Variants in SPOCK1 observed in about 807,000 individuals in gnomAD.
SPOCK1 encodes the protein testican-1.
SPOCK1 carries 23 observed loss-of-function variants against 55.3 expected under a neutral mutation model. That is an observed-to-expected ratio of 0.42 (90% confidence interval 0.30 to 0.59). SPOCK1 has a LOEUF of 0.59. Ranked by LOEUF, SPOCK1 falls within the 20% of genes least tolerant of loss-of-function variation. The pLI, the probability that SPOCK1 is intolerant of heterozygous loss-of-function variation, is 0.22. For missense variants in SPOCK1, 499 were observed against 552.5 expected (o/e 0.90, Z 0.97); for synonymous variants, 226 against 221.0 (o/e 1.02, Z -0.20).
chr5:136,993,942 T>C (rs998923328), intron 6 of SPOCK1, among the ~76,000 whole-genome samples: 2 of 152,200 alleles, frequency 1.3e-5, no homozygotes, highest in African/African-American at 2.4e-5. Flanking sequence ...GAAAATACCA[T>C]GCAGATCCTC....
At chr5:137,407,684 A>T (rs1410912958) in intron 2 of SPOCK1, among the ~76,000 whole-genome samples, 1 of 152,168 alleles carries the variant, frequency 6.6e-6, no homozygotes, top group African/African-American at 2.4e-5. Context: ...AACTCCGATC[A>T]CCCAGGCTCA....
At chr5:137,104,840 A>G (rs755410519) in intron 5 of SPOCK1, among the ~76,000 whole-genome samples, 16 of 152,322 alleles carry the variant, frequency 1.1e-4, no homozygotes, top group Admixed American at 5.2e-4. Flanking sequence ...CAAAATAATT[A>G]TACAACATTG....
intron 6 of SPOCK1, among the ~76,000 whole-genome samples, chr5:137,058,337 T>C (rs1379751253): frequency 1.3e-5 from 2 of 152,224 alleles, no homozygotes; most frequent in African/African-American, 4.8e-5. Flanking sequence ...TCTCAAATTT[T>C]CTCACCAGCA....
At chr5:137,309,133 A>G (rs73294918) in intron 2 of SPOCK1, among the ~76,000 whole-genome samples, 4,523 of 152,308 alleles carry the variant, frequency 0.03, 227 homozygotes, top group African/African-American at 0.1. Context: ...GGAAAAAGTC[A>G]TCTAAAAGTA....
intron 6 of SPOCK1, among the ~76,000 whole-genome samples, chr5:137,005,102 A>G (rs1751221210): frequency 1.3e-5 from 2 of 152,162 alleles, no homozygotes; most frequent in South Asian, 2.1e-4. Flanking sequence ...CACAGCTGAT[A>G]AGAGAAACCC....
chr5:137,380,664 T>C (rs917244362), intron 2 of SPOCK1, among the ~76,000 whole-genome samples: 4 of 152,074 alleles, frequency 2.6e-5, no homozygotes, highest in African/African-American at 9.7e-5. Context: ...TTTTAAACCA[T>C]CAGATCTCAT....
At chr5:137,012,587 C>T (rs1751371905) in intron 6 of SPOCK1, among the ~76,000 whole-genome samples, 2 of 152,090 alleles carry the variant, frequency 1.3e-5, no homozygotes, top group South Asian at 4.2e-4. Context: ...CAAAGTTTGC[C>T]CCAAGGCTGT....
intron 2 of SPOCK1, among the ~76,000 whole-genome samples, chr5:137,380,353 A>G (rs1751436586): frequency 6.6e-6 from 1 of 152,230 alleles, no homozygotes; most frequent in Admixed American, 6.5e-5. Flanking sequence ...TATGCAATAT[A>G]AAGGAGACAG....
At chr5:137,024,114 G>A (rs1751623882) in intron 6 of SPOCK1, among the ~76,000 whole-genome samples, 1 of 151,992 alleles carries the variant, frequency 6.6e-6, no homozygotes, top group Non-Finnish European at 1.5e-5. Flanking sequence ...AAATTCTAGT[G>A]CTAGGCAGTT....
chr5:137,295,404 A>G (rs1757459373), intron 2 of SPOCK1, among the ~76,000 whole-genome samples: 1 of 152,214 alleles, frequency 6.6e-6, no homozygotes, highest in South Asian at 2.1e-4. Context: ...AGCAGCACAG[A>G]GCTAATATTC....
intron 2 of SPOCK1, among the ~76,000 whole-genome samples, chr5:137,385,119 C>T (rs1377710295): frequency 6.6e-6 from 1 of 152,136 alleles, no homozygotes; most frequent in East Asian, 1.9e-4. Flanking sequence ...ATAATCTTCA[C>T]CTCCCTCTCC....
chr5:137,194,207 G>C (rs1467005543), intron 3 of SPOCK1, among the ~76,000 whole-genome samples: 3 of 152,204 alleles, frequency 2.0e-5, no homozygotes, highest in Non-Finnish European at 2.9e-5. Flanking sequence ...TCACCCACAG[G>C]TGGAAAAAGA....
chr5:137,082,510 G>C (rs1419641742), intron 5 of SPOCK1, among the ~76,000 whole-genome samples: 1 of 152,188 alleles, frequency 6.6e-6, no homozygotes. Context: ...ACAGACGCAG[G>C]CATTCAGGGA....
chr5:137,449,398 G>T (rs184576300), intron 2 of SPOCK1, among the ~76,000 whole-genome samples: 172 of 152,334 alleles, frequency 1.1e-3, no homozygotes, highest in African/African-American at 3.5e-3. Flanking sequence ...TCAGAAAGTA[G>T]TTTTAACATT....
chr5:137,195,803 C>T (rs891195553), intron 3 of SPOCK1, among the ~76,000 whole-genome samples: 1 of 152,214 alleles, frequency 6.6e-6, no homozygotes, highest in African/African-American at 2.4e-5. Context: ...ACCAGGGAAA[C>T]ATCCCTCCAG....
At chr5:137,474,123 CTA>C (rs1392193131) in intron 2 of SPOCK1, among the ~76,000 whole-genome samples, 6 of 152,036 alleles carry the variant, frequency 3.9e-5, no homozygotes, top group African/African-American at 1.4e-4. Flanking sequence ...GGATAAAAGA[CTA>C]TGTATACGGT....
chr5:137,431,392 T>C (rs1752740157), intron 2 of SPOCK1, among the ~76,000 whole-genome samples: 1 of 152,228 alleles, frequency 6.6e-6, no homozygotes, highest in African/African-American at 2.4e-5. Context: ...AGAGTTCTGT[T>C]TCCATCTTCC....
chr5:137,246,068 T>A (rs1253137840), intron 3 of SPOCK1, among the ~76,000 whole-genome samples: 1 of 152,220 alleles, frequency 6.6e-6, no homozygotes, highest in Non-Finnish European at 1.5e-5. Context: ...ACTTGAACAG[T>A]TAGTGATGGG....
At chr5:136,981,755 TATATAAGC>T (rs903334838) in intron 9 of SPOCK1, among the ~76,000 whole-genome samples, 31 of 152,318 alleles carry the variant, frequency 2.0e-4, no homozygotes, top group African/African-American at 7.2e-4. Context: ...CAGGAATACA[TATATAAGC>T]ATGAATGCTA....
Sources: allele counts gnomAD v4.1 joint callset (sites outside exome capture counted in the v4.1 genomes callset), GRCh38; gene constraint gnomAD v4.1.1; transcripts MANE v1.5; gene names NCBI Gene and HGNC (gene_info 2026-07-23, HGNC 2026-07-21).